Variants in IFT80 observed in about 807,000 individuals in gnomAD.
The protein encoded by IFT80 is intraflagellar transport 80, also known as intraflagellar transport protein 80 homolog.
In IFT80, 79 loss-of-function variants were observed where a neutral mutation model predicts 107.9. The observed-to-expected ratio is 0.73, with a 90% CI of 0.61 to 0.88. The LOEUF (loss-of-function observed/expected upper bound fraction) is 0.88. Among genes scored for constraint, IFT80 ranks in the 40% least tolerant of loss-of-function variants. IFT80 has a pLI of 0.00. For synonymous variants in IFT80, 299 were observed against 300.9 expected, an observed-to-expected ratio of 0.99 and a Z score of 0.07; for missense variants, 797 against 914.2, an observed-to-expected ratio of 0.87 and a Z score of 1.65.
At chr3:160,281,148 C>T (rs565113322) in intron 14 of IFT80, among the ~76,000 whole-genome samples, 1 of 152,228 alleles carries the variant, frequency 6.6e-6, no homozygotes, top group Non-Finnish European at 1.5e-5. Context: ...AATACCGTCC[C>T]CTCAATATTC....
chr3:160,289,807 A>G (rs765596293), intron 12 of IFT80, among the ~76,000 whole-genome samples: 159 of 152,164 alleles, frequency 1.0e-3, no homozygotes, highest in Non-Finnish European at 1.6e-3. Flanking sequence ...CTCAATTCTG[A>G]GCTGGGGACC....
rs1268631922 is a variant in IFT80 at position 160,366,469 on chromosome 3, TCA to T, written c.440-319_440-318del. Among the ~76,000 whole-genome samples the T allele has an allele frequency of 7.2e-5, 11 of 152,194 alleles. No homozygotes were observed. In the South Asian group the frequency reaches 1.2e-3, roughly 17 times the overall value. ...ATACATAAGATAAAATAAATATACT[TCA>T]TTTTTAATATATAAAGAAATAGCAG... On this transcript the variant is annotated intron_variant, in intron 5 of 19. Coordinates refer to ENST00000326448, the MANE Select transcript of IFT80 (RefSeq NM_020800.3).
chr3:160,374,405 A>G, intron 5 of IFT80, among the ~76,000 whole-genome samples: 1 of 144,158 alleles, frequency 6.9e-6, no homozygotes, highest in Non-Finnish European at 1.5e-5. Context: ...AAGACCGTCT[A>G]AAAAAAAAAA....
At chr3:160,332,639 C>T (rs1196715461) in intron 8 of IFT80, among the ~76,000 whole-genome samples, 1 of 152,150 alleles carries the variant, frequency 6.6e-6, no homozygotes, top group African/African-American at 2.4e-5. Flanking sequence ...GATGCTGGGA[C>T]AGCATTACAT....
intron 9 of IFT80, 149 bp from the exon 10 acceptor site, chr3:160,307,930 A>G: frequency 1.6e-6 from 1 of 625,768 alleles, no homozygotes; most frequent in East Asian, 2.8e-5. Flanking sequence ...ACTAGGCATA[A>G]GATAGTATAC....
At chr3:160,261,477 T>G (rs943271399) in intron 19 of IFT80, among the ~76,000 whole-genome samples, 1 of 133,064 alleles carries the variant, frequency 7.5e-6, no homozygotes, top group Non-Finnish European at 1.6e-5. Context: ...CCAGAAGCGG[T>G]AAAGATTTTG....
chr3:160,369,185 T>C (rs1309530348), intron 5 of IFT80, among the ~76,000 whole-genome samples: 1 of 151,958 alleles, frequency 6.6e-6, no homozygotes, highest in Non-Finnish European at 1.5e-5. Flanking sequence ...CAGGTATAAC[T>C]TATATAATAA....
At chr3:160,289,799 C>T (rs1715389949) in intron 12 of IFT80, among the ~76,000 whole-genome samples, 1 of 152,196 alleles carries the variant, frequency 6.6e-6, no homozygotes, top group African/African-American at 2.4e-5. Context: ...TTCCTTGGCT[C>T]AATTCTGAGC....
At chr3:160,339,891 G>A (rs1719763531) in intron 8 of IFT80, among the ~76,000 whole-genome samples, 1 of 152,164 alleles carries the variant, frequency 6.6e-6, no homozygotes, top group African/African-American at 2.4e-5. Context: ...TTTGTCTGAA[G>A]GGAGGGCAGT....
chr3:160,277,915 T>C (rs940441008), intron 16 of IFT80, among the ~76,000 whole-genome samples: 1 of 152,206 alleles, frequency 6.6e-6, no homozygotes, highest in African/African-American at 2.4e-5. Context: ...TATTTCTGAA[T>C]TTAAAATAAT....
chr3:160,352,155 T>C (rs1017863288), intron 8 of IFT80, among the ~76,000 whole-genome samples: 1 of 150,764 alleles, frequency 6.6e-6, no homozygotes, highest in African/African-American at 2.4e-5. Context: ...CACGCCCGGC[T>C]AATTTTGTTT....
intron 12 of IFT80, among the ~76,000 whole-genome samples, chr3:160,290,736 T>G (rs1416262141): frequency 1.3e-5 from 2 of 152,098 alleles, no homozygotes; most frequent in African/African-American, 4.8e-5. Context: ...AATTTTTTTG[T>G]ATTTTTAGTA....
At chr3:160,389,454 A>G (rs1232589233) in intron 1 of IFT80, among the ~76,000 whole-genome samples, 5 of 146,784 alleles carry the variant, frequency 3.4e-5, no homozygotes, top group Admixed American at 2.7e-4. Context: ...AGCATTAGGT[A>G]TATCTCCTAA....
chr3:160,380,017 T>C (rs1712340612), intron 3 of IFT80, among the ~76,000 whole-genome samples: 2 of 148,946 alleles, frequency 1.3e-5, no homozygotes, highest in African/African-American at 2.5e-5. Flanking sequence ...GCTCAATCAG[T>C]GTCCCATTGT....
Position 160,381,137 on chromosome 3 carries a change from T to C in IFT80, c.259+366A>G, listed in dbSNP as rs1449309377. On this transcript the variant is annotated intron_variant, in intron 3 of 19. Coordinates refer to ENST00000326448, the MANE Select transcript of IFT80 (RefSeq NM_020800.3). ...CTGTAGTCCCAGCTACTCAAGAGGC[T>C]GAGGCAGGAAGATTGTGTGAGCCCA... Among the ~76,000 whole-genome samples, 6 of 150,684 alleles carry C rather than the reference T, an allele frequency of 4.0e-5. No individual in the cohort carries two copies. In the East Asian group the frequency reaches 9.7e-4, roughly 24 times the overall value.
intron 19 of IFT80, among the ~76,000 whole-genome samples, chr3:160,263,830 C>A (rs1045466855): frequency 2.0e-5 from 3 of 152,068 alleles, no homozygotes; most frequent in Admixed American, 1.3e-4. Context: ...GTGCATGCCA[C>A]CACGCCTGCT....
chr3:160,367,245 G>T (rs1721932314), intron 5 of IFT80, among the ~76,000 whole-genome samples: 1 of 152,044 alleles, frequency 6.6e-6, no homozygotes, highest in Non-Finnish European at 1.5e-5. Context: ...ACACAAAAGT[G>T]TAGCTATCTC....
chr3:160,355,942 G>T, intron 8 of IFT80, 71 bp downstream of exon 8: 4 of 1,543,676 alleles, frequency 2.6e-6, no homozygotes, highest in Non-Finnish European at 2.7e-6. Context: ...TTTAAAGACT[G>T]AGAACCATGT....
At chr3:160,318,862 A>C (rs1233181467) in intron 9 of IFT80, among the ~76,000 whole-genome samples, 2 of 151,968 alleles carry the variant, frequency 1.3e-5, no homozygotes, top group African/African-American at 4.8e-5. Context: ...CCTAGAAAGG[A>C]TTTTCTGACC....
Sources: gnomAD v4.1 joint callset for allele counts (sites outside exome capture counted in the v4.1 genomes callset) on GRCh38, gnomAD v4.1.1 for gene constraint, MANE v1.5 for transcripts, NCBI Gene and HGNC (gene_info 2026-07-23, HGNC 2026-07-21) for gene names.